Variants in CSMD1 observed in about 807,000 individuals in gnomAD.
The protein encoded by CSMD1 is CUB and sushi domain-containing protein 1.
Under a neutral mutation model 417.5 loss-of-function variants are expected in CSMD1, and 213 were observed. The ratio of observed to expected loss-of-function variants is 0.51; its 90% CI spans 0.46 to 0.57. The LOEUF (loss-of-function observed/expected upper bound fraction) is 0.57. Ranked by LOEUF, CSMD1 falls within the 20% of genes least tolerant of loss-of-function variation. The pLI is 0.00. For missense variants in CSMD1, 6,923 were observed against 4,529.7 expected (o/e 1.53, Z -15.17); for synonymous variants, 2,862 against 1,736.8 (o/e 1.65, Z -16.11).
intron 5 of CSMD1, among the ~76,000 whole-genome samples, chr8:3,919,449 C>T (rs150671242): frequency 2.0e-5 from 3 of 152,098 alleles, no homozygotes; most frequent in African/African-American, 7.2e-5. Flanking sequence ...GCAGTTTTTG[C>T]TTGAGTTCAC....
rs114853852 is a variant in CSMD1 at position 4,663,407 on chromosome 8, G to T, written c.86-25849C>A. 2.7e-3 allele frequency among the ~76,000 whole-genome samples: 418 copies of T among 152,240 alleles called. 1 individual carries two copies. The Middle Eastern group carries it at 0.034, about 12-fold the overall frequency. On this transcript the variant is annotated intron_variant, in intron 1 of 69. Transcript: ENST00000635120. ...TTGGAAGATGCTAAGTGATTGGTTT[G>T]GGTCAATGTCCCTGCCGAAATCTCA...
intron 1 of CSMD1, among the ~76,000 whole-genome samples, chr8:4,865,329 C>G (rs564600792): frequency 2.0e-5 from 3 of 151,734 alleles, no homozygotes; most frequent in African/African-American, 7.3e-5. Context: ...TTAAGAATCT[C>G]GTAACTTACT....
chr8:4,169,619 T>G (rs1203162037), intron 3 of CSMD1, among the ~76,000 whole-genome samples: 1 of 152,136 alleles, frequency 6.6e-6, no homozygotes, highest in African/African-American at 2.4e-5. Flanking sequence ...TGAGAAAAAG[T>G]GCATCAGTCC....
intron 23 of CSMD1, among the ~76,000 whole-genome samples, chr8:3,324,219 C>CA (rs563710904): frequency 3.4e-5 from 4 of 117,076 alleles, no homozygotes; most frequent in African/African-American, 8.0e-5. Flanking sequence ...ACACACCCAA[C>CA]CCCAGAGACC....
At chr8:3,372,985 T>C (rs528851211) in intron 18 of CSMD1, among the ~76,000 whole-genome samples, 12 of 152,268 alleles carry the variant, frequency 7.9e-5, no homozygotes, top group East Asian at 7.7e-4. Context: ...ATGATTGGAT[T>C]GGTATGAATT....
intron 49 of CSMD1, among the ~76,000 whole-genome samples, chr8:3,058,330 G>A (rs1812371718): frequency 6.6e-6 from 1 of 152,116 alleles, no homozygotes; most frequent in Non-Finnish European, 1.5e-5. Context: ...ACAGATCTGT[G>A]CATTCTGAGG....
intron 3 of CSMD1, among the ~76,000 whole-genome samples, chr8:4,371,084 T>C (rs1369499171): frequency 6.6e-6 from 1 of 152,234 alleles, no homozygotes. Context: ...TACTGTTCTT[T>C]AGATGGGGCA....
intron 3 of CSMD1, among the ~76,000 whole-genome samples, chr8:4,222,472 T>G (rs1389460828): frequency 6.6e-6 from 1 of 152,148 alleles, no homozygotes; most frequent in Non-Finnish European, 1.5e-5. Flanking sequence ...CGTCATATGT[T>G]CTCAGTAAGT....
At chr8:3,484,138 C>G (rs1471909086) in intron 11 of CSMD1, among the ~76,000 whole-genome samples, 1 of 152,098 alleles carries the variant, frequency 6.6e-6, no homozygotes, top group Non-Finnish European at 1.5e-5. Flanking sequence ...AGTCTCTTGA[C>G]AAAGAACAAT....
intron 6 of CSMD1, among the ~76,000 whole-genome samples, chr8:3,712,751 G>C (rs937944979): frequency 1.3e-5 from 2 of 152,150 alleles, no homozygotes; most frequent in Admixed American, 6.5e-5. Flanking sequence ...GCACGCCAAA[G>C]TTAGTCTCAC....
chr8:3,650,668 C>T (rs889666844), intron 7 of CSMD1, among the ~76,000 whole-genome samples: 1 of 152,208 alleles, frequency 6.6e-6, no homozygotes, highest in South Asian at 2.1e-4. Context: ...GCTATGAGAA[C>T]TGTTCGAAGT....
intron 2 of CSMD1, among the ~76,000 whole-genome samples, chr8:4,567,650 T>A (rs1365153124): frequency 1.3e-5 from 2 of 152,158 alleles, no homozygotes; most frequent in East Asian, 3.9e-4. Context: ...TTTCTCCCAA[T>A]AAAGGACGAA....
At chr8:3,693,864 A>T (rs1321721555) in intron 7 of CSMD1, among the ~76,000 whole-genome samples, 3 of 146,516 alleles carry the variant, frequency 2.0e-5, no homozygotes, top group African/African-American at 7.7e-5. Flanking sequence ...TATGTGCTGT[A>T]TGTGTGTTTC....
Position 2,998,012 on chromosome 8 carries a change from T to G in CSMD1, c.8376A>C (p.Arg2792=). 6.2e-7 allele frequency: 1 copy of G among 1,613,268 alleles called. No individual in the cohort carries two copies. Among genetic ancestry groups the G allele is most frequent in the South Asian group, 1.1e-5 (1 of 91,018 alleles). Residue 2792 remains arginine (R), a splice_region_variant and synonymous_variant, in exon 54 of 70, where the codon CGA becomes CGC. Transcript: ENST00000635120. ...GQWSSPLPTC[R]VVNCSDPGFV... is the part of the protein sequence containing the mutation. ...CTCATTCCTGGATGCTGTTCCTACC[T>G]CGACACGTGGGCAGAGGGCTACTCC...
chr8:4,158,765 G>C (rs950671640), intron 3 of CSMD1, among the ~76,000 whole-genome samples: 2 of 152,230 alleles, frequency 1.3e-5, no homozygotes, highest in Non-Finnish European at 2.9e-5. Flanking sequence ...TGATGGGTGT[G>C]AACACTGAAG....
intron 3 of CSMD1, among the ~76,000 whole-genome samples, chr8:4,153,263 A>G (rs868272412): frequency 1.6e-4 from 24 of 152,230 alleles, no homozygotes; most frequent in South Asian, 2.1e-4. Flanking sequence ...ACATACGGCT[A>G]TAAAGACAGA....
intron 3 of CSMD1, among the ~76,000 whole-genome samples, chr8:4,249,409 A>T (rs1021874476): frequency 3.3e-5 from 5 of 152,184 alleles, no homozygotes; most frequent in African/African-American, 9.7e-5. Context: ...TGCAAAGTAA[A>T]CTAATAGTGT....
chr8:4,654,567 G>C (rs1804111082), intron 1 of CSMD1, among the ~76,000 whole-genome samples: 1 of 152,110 alleles, frequency 6.6e-6, no homozygotes, highest in South Asian at 2.1e-4. Flanking sequence ...GGAATGGAGG[G>C]ATGTTGGTCT....
At chr8:4,568,667 C>G (rs1199282624) in intron 2 of CSMD1, among the ~76,000 whole-genome samples, 2 of 152,156 alleles carry the variant, frequency 1.3e-5, no homozygotes, top group Non-Finnish European at 2.9e-5. Context: ...AATGGTATTT[C>G]TGGTTCTAGA....
Sources: allele counts gnomAD v4.1 joint callset (sites outside exome capture counted in the v4.1 genomes callset), GRCh38; gene constraint gnomAD v4.1.1; transcripts MANE v1.5; gene names NCBI Gene and HGNC (gene_info 2026-07-23, HGNC 2026-07-21).